Variants in SEMA6D observed in about 807,000 individuals in gnomAD.
SEMA6D encodes semaphorin-6D.
A neutral mutation model predicts 106.6 loss-of-function variants in SEMA6D; 35 were observed. The observed-to-expected ratio is 0.33, with a 90% CI of 0.25 to 0.44. The LOEUF (loss-of-function observed/expected upper bound fraction) is 0.44, where lower values mean the gene tolerates loss of function less well. SEMA6D is among the 20% of genes least tolerant of loss of function. SEMA6D has a pLI of 1.00. For synonymous variants in SEMA6D, 499 were observed against 487.7 expected, an observed-to-expected ratio of 1.02 and a Z score of -0.31; for missense variants, 1,185 against 1,345.9, an observed-to-expected ratio of 0.88 and a Z score of 1.87.
chr15:47,306,020 T>A (rs1002766471), intron 1 of SEMA6D, among the ~76,000 whole-genome samples: 2 of 152,178 alleles, frequency 1.3e-5, no homozygotes, highest in African/African-American at 2.4e-5. Flanking sequence ...TCTTGCTCCG[T>A]TGCCAGGCTA....
chr15:47,768,772 T>A (rs924059037), intron 18 of SEMA6D, 24 bp downstream of exon 18: 4 of 1,600,302 alleles, frequency 2.5e-6, no homozygotes, highest in East Asian at 4.5e-5. Context: ...AGGGACCTCA[T>A]CTCTAACTGC....
At chr15:47,568,019 A>AT (rs2046276737) in intron 3 of SEMA6D, among the ~76,000 whole-genome samples, 1 of 152,184 alleles carries the variant, frequency 6.6e-6, no homozygotes, top group Non-Finnish European at 1.5e-5. Context: ...GCTATTATTT[A>AT]ACCCCAGTGA....
At chr15:47,364,471 G>A (rs1014387211) in intron 1 of SEMA6D, among the ~76,000 whole-genome samples, 3 of 152,110 alleles carry the variant, frequency 2.0e-5, no homozygotes, top group African/African-American at 7.2e-5. Flanking sequence ...ACCTGCTCAG[G>A]GTCAACATGC....
Position 47,263,028 on chromosome 15 carries a change from C to T in SEMA6D, c.-239+78610C>T, listed in dbSNP as rs186559931. Among the ~76,000 whole-genome samples, 8 of 151,988 alleles carry T rather than the reference C, an allele frequency of 5.3e-5. No homozygotes were observed. In the East Asian group the frequency reaches 1.4e-3, roughly 26 times the overall value. On this transcript the variant is annotated intron_variant, in intron 1 of 19. Coordinates refer to the SEMA6D transcript ENST00000558014. ...GATTAAAACTGGACCCCCTTTTTTA[C>T]ATCATATACAAAAATCAACTCCAGG...
At chr15:47,468,529 G>A (rs898627857) in intron 2 of SEMA6D, among the ~76,000 whole-genome samples, 1 of 152,146 alleles carries the variant, frequency 6.6e-6, no homozygotes, top group Non-Finnish European at 1.5e-5. Context: ...AGAAGAGGCA[G>A]TTGTAGATAT....
At chr15:47,275,736 C>A (rs1488040478) in intron 1 of SEMA6D, among the ~76,000 whole-genome samples, 1 of 152,068 alleles carries the variant, frequency 6.6e-6, no homozygotes, top group Non-Finnish European at 1.5e-5. Context: ...AGTAACCCTA[C>A]ATTGGCCTCT....
chr15:47,732,616 ACATTGTTATTTATAC>A (rs2080195093), intron 1 of SEMA6D, among the ~76,000 whole-genome samples: 2 of 152,348 alleles, frequency 1.3e-5, no homozygotes, highest in South Asian at 2.1e-4. Context: ...AGAGAATTAT[ACATTGTTATTTATAC>A]CATTGTTATT....
chr15:47,639,304 G>C (rs2077448579), intron 4 of SEMA6D, among the ~76,000 whole-genome samples: 1 of 152,182 alleles, frequency 6.6e-6, no homozygotes, highest in Non-Finnish European at 1.5e-5. Context: ...GCTCTCAGTG[G>C]ACCAAGCTGG....
intron 2 of SEMA6D, among the ~76,000 whole-genome samples, chr15:47,442,021 C>T (rs898423156): frequency 7.9e-5 from 12 of 152,196 alleles, no homozygotes; most frequent in South Asian, 4.1e-4. Flanking sequence ...TCATCATATA[C>T]AATTTCTAAT....
chr15:47,459,472 C>A (rs1380666155), intron 2 of SEMA6D, among the ~76,000 whole-genome samples: 1 of 151,900 alleles, frequency 6.6e-6, no homozygotes, highest in African/African-American at 2.4e-5. Context: ...TTATTGAATG[C>A]AGGATCATCT....
chr15:47,288,464 T>G (rs1208169321), intron 1 of SEMA6D, among the ~76,000 whole-genome samples: 1 of 152,192 alleles, frequency 6.6e-6, no homozygotes, highest in Non-Finnish European at 1.5e-5. Flanking sequence ...ATTTTACCAA[T>G]GTTGAAATTA....
chr15:47,280,303 G>C (rs1021614142), intron 1 of SEMA6D, among the ~76,000 whole-genome samples: 1 of 151,850 alleles, frequency 6.6e-6, no homozygotes. Context: ...AGATTTTCTA[G>C]TTTATTTGCG....
chr15:47,709,006 C>T (rs747214739), intron 4 of SEMA6D, among the ~76,000 whole-genome samples: 3 of 151,964 alleles, frequency 2.0e-5, no homozygotes, highest in Non-Finnish European at 2.9e-5. Context: ...TCCTTTTTTC[C>T]CTACTCCCTA....
chr15:47,212,717 C>T (rs959340168), intron 1 of SEMA6D, among the ~76,000 whole-genome samples: 3 of 152,142 alleles, frequency 2.0e-5, no homozygotes, highest in African/African-American at 7.2e-5. Context: ...AATGACATGA[C>T]ACCTCCTTGT....
At chr15:47,657,726 T>A (rs2077827639) in intron 4 of SEMA6D, among the ~76,000 whole-genome samples, 7 of 32,572 alleles carry the variant, frequency 2.1e-4, no homozygotes, top group Admixed American at 4.9e-4. Context: ...TTTCTTTTTT[T>A]TTTTTTTTTT....
intron 1 of SEMA6D, among the ~76,000 whole-genome samples, chr15:47,320,160 T>C (rs1235509202): frequency 6.6e-6 from 1 of 152,166 alleles, no homozygotes; most frequent in Non-Finnish European, 1.5e-5. Context: ...TTTTATTCCC[T>C]CTGCCTTTCT....
chr15:47,311,216 A>G (rs1275467157), intron 1 of SEMA6D, among the ~76,000 whole-genome samples: 1 of 152,200 alleles, frequency 6.6e-6, no homozygotes, highest in Non-Finnish European at 1.5e-5. Context: ...GATGCATTAT[A>G]TGCTCTCTTC....
chr15:47,502,590 C>T (rs1468465323), intron 3 of SEMA6D, among the ~76,000 whole-genome samples: 3 of 152,192 alleles, frequency 2.0e-5, no homozygotes, highest in African/African-American at 4.8e-5. Flanking sequence ...GTAAAATCTG[C>T]GACCCAAGCC....
At chr15:47,258,404 A>G (rs1226561809) in intron 1 of SEMA6D, among the ~76,000 whole-genome samples, 5 of 152,178 alleles carry the variant, frequency 3.3e-5, no homozygotes, top group African/African-American at 9.7e-5. Flanking sequence ...TAGCATTTGA[A>G]TCAGCAGACT....
Sources: gnomAD v4.1 joint callset for allele counts (sites outside exome capture counted in the v4.1 genomes callset) on GRCh38, gnomAD v4.1.1 for gene constraint, MANE v1.5 for transcripts, NCBI Gene and HGNC (gene_info 2026-07-23, HGNC 2026-07-21) for gene names.